The following DGCR8 variants were observed in gnomAD, a reference collection of about 807,000 sequenced individuals.
DGCR8 encodes microprocessor complex subunit DGCR8.
Under a neutral mutation model 78.5 loss-of-function variants are expected in DGCR8, and 14 were observed. The ratio of observed to expected loss-of-function variants is 0.18; its 90% CI spans 0.12 to 0.28. DGCR8 has a LOEUF of 0.28. DGCR8 is among the 10% of genes least tolerant of loss of function. The pLI is 1.00. For synonymous variants in DGCR8, 399 were observed against 402.4 expected (o/e 0.99, Z 0.10); for missense variants, 702 against 1,022.5 (o/e 0.69, Z 4.28).
chr22:20,104,989 C>G (rs926787527), intron 9 of DGCR8, among the ~76,000 whole-genome samples: 1 of 152,232 alleles, frequency 6.6e-6, no homozygotes, highest in Non-Finnish European at 1.5e-5. Context: ...CAGGCAGGCT[C>G]CAGGTCCCTG....
chr22:20,105,922 C>T (rs906265191), intron 9 of DGCR8, among the ~76,000 whole-genome samples: 2 of 151,778 alleles, frequency 1.3e-5, no homozygotes, highest in African/African-American at 4.8e-5. Context: ...TACCTGGGGC[C>T]CTCTTAGGAT....
chr22:20,106,186 C>A lies in DGCR8; in HGVS notation c.1798C>A (p.His600Asn). 6.2e-7 allele frequency: 1 copy of A among 1,613,920 alleles called. No homozygotes were observed. Among genetic ancestry groups the A allele is most frequent in the Non-Finnish European group, 8.5e-7 (1 of 1,179,930 alleles). ...CTGCTTTGTGTTGTAGTATTTTAACCACATCAGCATCGAGGACTCGCGGGT... is the reference window on the plus strand; with the variant it reads ...CTGCTTTGTGTTGTAGTATTTTAACAACATCAGCATCGAGGACTCGCGGGT... ...KDSEELEYFN[H>N]ISIEDSRVYE... is the part of the protein sequence containing the mutation. The change falls in exon 10 of 14, where the codon CAC becomes AAC. Residue 600 changes from histidine to asparagine, a missense_variant. His to Asn is a moderately conservative substitution (Grantham distance 68). Around this residue, in one of 4 missense-constraint regions of DGCR8, gnomAD observed 225 missense variants for 427.7 expected, o/e 0.53. Transcript: ENST00000351989.
At position 20,090,139 on chromosome 22, in the gene DGCR8, A is replaced by G. The variant is rs764262842; in HGVS notation, c.1187A>G (p.Asp396Gly). Reference protein sequence around the residue: ...AELEFPLDEPDSMGADPGPPD... With the variant: ...AELEFPLDEPGSMGADPGPPD... ...CTGGAGTTTCCCCTGGATGAGCCTG[A>G]CTCTATGGGTGCTGACCCGGGGCCC... is the stretch of plus-strand genomic sequence containing the variant. The change falls in exon 5 of 14, where the codon GAC (aspartate) becomes GGC (glycine). Residue 396 changes from aspartate (D) to glycine (G), a missense_variant. Physicochemically the swap from Asp to Gly is moderately conservative, Grantham distance 94 (BLOSUM62 -1). Around this residue, in one of 4 missense-constraint regions of DGCR8, gnomAD observed 119 missense variants for 126.1 expected, o/e 0.94. Coordinates refer to ENST00000351989, the MANE Select transcript of DGCR8 (RefSeq NM_022720.7). 6.2e-7 allele frequency: 1 copy of G among 1,613,936 alleles called. No individual in the cohort carries two copies. The highest frequency in any genetic ancestry group is 2.2e-5 in the East Asian group (1 of 44,854).
At position 20,111,364 on chromosome 22, in the gene DGCR8, C is replaced by CCT. The variant is rs2147947640; in HGVS notation, c.*1256_*1257insCT. The CCT allele has an allele frequency of 2.6e-6, 1 of 384,168 alleles. No individual in the cohort carries two copies. The highest frequency in any genetic ancestry group is 4.5e-6 in the Non-Finnish European group (1 of 220,428). 23.8% of individuals were successfully genotyped at this position (384,168 alleles called of 1,614,324 possible). ...CCCCCTACAGGCGGTACTGATGGCG[C>CCT]TTTTTTTTTTTTTTCTGTCAGGAAA... On this transcript the variant is annotated 3_prime_UTR_variant, in exon 14 of 14. Transcript: ENST00000351989.
At chr22:20,090,721 T>G (rs1602482697) in intron 5 of DGCR8, among the ~76,000 whole-genome samples, 1 of 152,246 alleles carries the variant, frequency 6.6e-6, no homozygotes, top group Non-Finnish European at 1.5e-5. Context: ...GGATGTGTAC[T>G]GGTGTTTCCC....
intron 9 of DGCR8, chr22:20,096,349 A>T: frequency 1.6e-6 from 1 of 637,566 alleles, no homozygotes; most frequent in South Asian, 6.9e-5. Flanking sequence ...GGGGTGGCAG[A>T]GGCAGAAGAA....
rs1339738492 is a variant in DGCR8 at position 20,111,785 on chromosome 22, G to T, written c.*1677G>T. 4.3e-6 allele frequency: 1 copy of T among 230,876 alleles called. No individual in the cohort carries two copies. Among genetic ancestry groups the T allele is most frequent in the Non-Finnish European group, 8.4e-6 (1 of 119,060 alleles). The allele number at this position is 230,876 out of a possible 1,614,324, so 14.3% of individuals were successfully genotyped here. ...GCCATGCTTCAAGGCCGGGGCAGGG[G>T]AGCCTGTGCTGATGCCATCCAGGGC... On this transcript the variant is annotated 3_prime_UTR_variant, in exon 14 of 14. Coordinates refer to ENST00000351989, the MANE Select transcript of DGCR8 (RefSeq NM_022720.7).
intron 9 of DGCR8, among the ~76,000 whole-genome samples, chr22:20,095,920 C>T (rs2049623731): frequency 6.6e-6 from 1 of 152,174 alleles, no homozygotes; most frequent in South Asian, 2.1e-4. Context: ...CCCTTGAATG[C>T]ACTGTTCACA....
At chr22:20,094,072 C>T (rs1164259687) in intron 8 of DGCR8, among the ~76,000 whole-genome samples, 2 of 152,170 alleles carry the variant, frequency 1.3e-5, no homozygotes, top group East Asian at 1.9e-4. Context: ...TGGCTGTGTG[C>T]TCTTCCCTCT....
chr22:20,107,715 G>A (rs561576768), intron 12 of DGCR8: 12 of 374,698 alleles, frequency 3.2e-5, no homozygotes, highest in Admixed American at 2.0e-4. Flanking sequence ...CGCCCGGCTC[G>A]GAGGTGTGCA....
rs199753950 is a variant in DGCR8, at chr22:20,086,567, T to G, written c.604T>G (p.Leu202Val). Residue 202 changes from leucine to valine, a missense_variant, in exon 2 of 14, where the codon TTA becomes GTA. Leu to Val is a conservative substitution (Grantham distance 32). Coordinates refer to ENST00000351989, the MANE Select transcript of DGCR8 (RefSeq NM_022720.7). This position sits in a 1 kb window ranked among gnomAD's most constrained non-coding sequence, Gnocchi z 6.4. ...KRVEYAVLDELEDFTDNLELD... is the reference protein window; with the variant it reads ...KRVEYAVLDEVEDFTDNLELD... ...AGTGGAGTATGCAGTGCTCGATGAG[T>G]TAGAAGATTTTACTGACAATTTGGA... 56 of 1,613,234 alleles carry G rather than the reference T, an allele frequency of 3.5e-5. 1 individual carries two copies. In the East Asian group the frequency reaches 1.2e-3, roughly 34 times the overall value.
intron 9 of DGCR8, among the ~76,000 whole-genome samples, chr22:20,105,000 C>G (rs2049753034): frequency 6.6e-6 from 1 of 152,254 alleles, no homozygotes; most frequent in African/African-American, 2.4e-5. Flanking sequence ...CAGGTCCCTG[C>G]AGACCCCTCC....
chr22:20,101,270 C>G (rs2049697546), intron 9 of DGCR8: 4 of 985,366 alleles, frequency 4.1e-6, no homozygotes, highest in Non-Finnish European at 4.8e-6. Context: ...CTTTGACCCT[C>G]TTATTTGTAT....
chr22:20,107,606 A>T (rs2049785884), intron 12 of DGCR8: 1 of 601,314 alleles, frequency 1.7e-6, no homozygotes, highest in Admixed American at 3.0e-5. Flanking sequence ...ATGGTCAGTG[A>T]AGTGTGGGTG....
At chr22:20,106,414 G>C (rs2049770492) in intron 10 of DGCR8, 137 bp downstream of exon 10, 1 of 850,134 alleles carries the variant, frequency 1.2e-6, no homozygotes, top group African/African-American at 1.7e-5. Flanking sequence ...CCTTGGCCCT[G>C]GCCACCAGTC....
chr22:20,091,710 A>G (rs2049564048), intron 6 of DGCR8, 78 bp downstream of exon 6: 11 of 1,564,944 alleles, frequency 7.0e-6, no homozygotes, highest in Admixed American at 5.1e-5. Flanking sequence ...GGCATGTTTT[A>G]TGAGTTGCAT....
intron 11 of DGCR8, 59 bp from the exon 12 acceptor site, chr22:20,107,212 G>C (rs1304068919): frequency 1.9e-6 from 3 of 1,609,492 alleles, no homozygotes; most frequent in African/African-American, 2.7e-5. Flanking sequence ...GCGGCAGGGG[G>C]CCCCATGAGC....
chr22:20,088,176 A>G (rs2049511709), intron 3 of DGCR8, among the ~76,000 whole-genome samples: 1 of 152,172 alleles, frequency 6.6e-6, no homozygotes, highest in Non-Finnish European at 1.5e-5. Flanking sequence ...GCCAGGTGCC[A>G]CATGTTGCTG....
intron 6 of DGCR8, 28 bp from the exon 7 acceptor site, chr22:20,091,841 C>T (rs2049567280): frequency 6.2e-7 from 1 of 1,606,734 alleles, no homozygotes; most frequent in Non-Finnish European, 8.5e-7. Context: ...CTGCTTCACA[C>T]TTGCTGAGAT....
Sources: gnomAD v4.1 joint callset for allele counts (sites outside exome capture counted in the v4.1 genomes callset) on GRCh38, gnomAD v4.1.1 for gene constraint, gnomAD v4.1.1 regional missense constraint, Gnocchi (gnomAD v3.1) non-coding constraint, MANE v1.5 for transcripts, NCBI Gene and HGNC (gene_info 2026-07-23, HGNC 2026-07-21) for gene names.